SLC35F1: variants seen among roughly 807,000 people sequenced by gnomAD.
SLC35F1 encodes chromosome 6 open reading frame 169.
In SLC35F1, 14 loss-of-function variants were observed where a neutral mutation model predicts 48.7. That is an observed-to-expected ratio of 0.29 (90% CI 0.19 to 0.45). The LOEUF (loss-of-function observed/expected upper bound fraction) is 0.45. Among genes scored for constraint, SLC35F1 ranks in the 20% least tolerant of loss-of-function variants. The probability of loss-of-function intolerance (pLI) is 1.00; values close to 1 mark genes in which losing one functional copy is unlikely to be tolerated. For synonymous variants in SLC35F1, 190 were observed against 202.2 expected, an observed-to-expected ratio of 0.94 and a Z score of 0.51; for missense variants, 404 against 500.0, an observed-to-expected ratio of 0.81 and a Z score of 1.83.
intron 5 of SLC35F1, among the ~76,000 whole-genome samples, chr6:118,276,432 G>C (rs1393973060): frequency 6.6e-6 from 1 of 152,156 alleles, no homozygotes; most frequent in Non-Finnish European, 1.5e-5. Flanking sequence ...TTCAGTGTCT[G>C]AAATTATTTA....
chr6:118,018,567 G>A lies in SLC35F1; in HGVS notation c.173+110668G>A, dbSNP rs146046925. Among the ~76,000 whole-genome samples, 509 of 152,150 alleles carry A rather than the reference G, an allele frequency of 3.3e-3. 1 individual carries two copies. Among genetic ancestry groups the A allele is most frequent in the African/African-American group, 0.011 (476 of 41,514 alleles). Reference sequence around the variant, plus strand: ...TTGTTGTTAGTGCCATACTGCTTCAGATAGGGATAGTTTAAATATGCCTTG... The same window carrying A: ...TTGTTGTTAGTGCCATACTGCTTCAAATAGGGATAGTTTAAATATGCCTTG... On this transcript the variant is annotated intron_variant, in intron 1 of 7. Transcript: ENST00000360388.
intron 1 of SLC35F1, among the ~76,000 whole-genome samples, chr6:117,970,050 A>T (rs751382999): frequency 7.9e-5 from 12 of 152,262 alleles, no homozygotes; most frequent in Non-Finnish European, 1.3e-4. Context: ...GTCTGTTTTT[A>T]GGAAGTTCGT....
rs34789731 is a variant in SLC35F1 at position 118,275,391 on chromosome 6, G to A, written c.638-68G>A. ...ATAGGCAAGGGAAGCTCAATTTGCC[G>A]ATGCCAGATTCTTGTTAAGAAAGTT... On this transcript the variant is annotated intron_variant, in intron 4 of 7. Coordinates refer to ENST00000360388, the MANE Select transcript of SLC35F1 (RefSeq NM_001029858.4). 7,632 of 1,509,080 alleles carry A rather than the reference G, an allele frequency of 5.1e-3. 28 individuals carry two copies. The highest frequency in any genetic ancestry group is 5.8e-3 in the Non-Finnish European group (6,489 of 1,117,724). The allele number at this position is 1,509,080 out of a possible 1,614,324, so 93.5% of individuals were successfully genotyped here.
intron 3 of SLC35F1, among the ~76,000 whole-genome samples, chr6:118,252,160 T>C (rs1775582869): frequency 6.6e-6 from 1 of 152,178 alleles, no homozygotes; most frequent in African/African-American, 2.4e-5. Context: ...AGGGGACCGA[T>C]GTGATCTAAT....
intron 1 of SLC35F1, among the ~76,000 whole-genome samples, chr6:117,972,690 A>C (rs1299050631): frequency 1.3e-5 from 2 of 152,144 alleles, no homozygotes; most frequent in Non-Finnish European, 2.9e-5. Flanking sequence ...CTTATTCACT[A>C]TCACAAGAAC....
intron 1 of SLC35F1, among the ~76,000 whole-genome samples, chr6:118,123,195 C>G (rs1273331353): frequency 1.3e-5 from 2 of 152,100 alleles, no homozygotes; most frequent in African/African-American, 4.8e-5. Flanking sequence ...GGGAGAAACA[C>G]TTCTCTGGCT....
intron 1 of SLC35F1, among the ~76,000 whole-genome samples, chr6:117,918,646 T>C (rs888570737): frequency 2.0e-5 from 3 of 152,158 alleles, no homozygotes; most frequent in African/African-American, 7.2e-5. Flanking sequence ...AGAAGTGTTA[T>C]GTGTAAAGTT....
At chr6:118,024,278 A>G (rs1191051304) in intron 1 of SLC35F1, among the ~76,000 whole-genome samples, 1 of 152,154 alleles carries the variant, frequency 6.6e-6, no homozygotes, top group Non-Finnish European at 1.5e-5. Flanking sequence ...AACTAACTAA[A>G]CAAACAAAAA....
At chr6:118,174,407 A>G (rs1003223106) in intron 2 of SLC35F1, among the ~76,000 whole-genome samples, 4 of 152,132 alleles carry the variant, frequency 2.6e-5, no homozygotes, top group African/African-American at 4.8e-5. Context: ...TGCTACAAAT[A>G]AAAAACACAG....
chr6:118,017,231 C>T (rs984907616), intron 1 of SLC35F1, among the ~76,000 whole-genome samples: 10 of 152,162 alleles, frequency 6.6e-5, no homozygotes, highest in African/African-American at 1.2e-4. Flanking sequence ...GGGGACTTCC[C>T]GATCCTAGAG....
intron 1 of SLC35F1, among the ~76,000 whole-genome samples, chr6:118,043,316 A>T (rs2114903690): frequency 6.7e-6 from 1 of 149,064 alleles, no homozygotes; most frequent in East Asian, 2.0e-4. Context: ...GTTAAGTGCC[A>T]GCCTGGTTTT....
chr6:118,306,208 CT>C (rs10708664), intron 7 of SLC35F1, among the ~76,000 whole-genome samples: 59,435 of 152,064 alleles, frequency 0.39, 12,224 homozygotes, highest in Middle Eastern at 0.49. Flanking sequence ...TGCATGGAAC[CT>C]TTGTTCTGTC....
intron 1 of SLC35F1, among the ~76,000 whole-genome samples, chr6:118,049,539 CA>C: frequency 6.6e-6 from 1 of 151,802 alleles, no homozygotes; most frequent in South Asian, 2.1e-4. Context: ...ACAACCCCAT[CA>C]AAAAGTGGGC....
At chr6:118,047,290 C>T (rs913777525) in intron 1 of SLC35F1, among the ~76,000 whole-genome samples, 2 of 152,112 alleles carry the variant, frequency 1.3e-5, no homozygotes, top group Admixed American at 6.6e-5. Context: ...GAATTTATAA[C>T]CTCCTTTCCA....
chr6:118,051,903 G>C (rs1772396471), intron 1 of SLC35F1, among the ~76,000 whole-genome samples: 1 of 152,174 alleles, frequency 6.6e-6, no homozygotes, highest in Non-Finnish European at 1.5e-5. Context: ...AAGAACCAGA[G>C]TGGTGATCAG....
At chr6:118,125,541 T>C (rs1773612763) in intron 1 of SLC35F1, among the ~76,000 whole-genome samples, 1 of 152,180 alleles carries the variant, frequency 6.6e-6, no homozygotes, top group Non-Finnish European at 1.5e-5. Flanking sequence ...TGTGAGCATA[T>C]ACTAAGTATT....
chr6:118,108,904 C>T (rs1253590856), intron 1 of SLC35F1, among the ~76,000 whole-genome samples: 1 of 152,062 alleles, frequency 6.6e-6, no homozygotes, highest in Admixed American at 6.6e-5. Context: ...ATACTTATTG[C>T]TTTTCTTTGT....
At chr6:118,127,076 C>T (rs1773637643) in intron 1 of SLC35F1, among the ~76,000 whole-genome samples, 2 of 150,248 alleles carry the variant, frequency 1.3e-5, no homozygotes, top group South Asian at 4.2e-4. Flanking sequence ...AAAGGGAATG[C>T]TTCCAGTTTT....
rs559685331 is a variant in SLC35F1, at chr6:118,049,504, A to C, written c.174-104941A>C. On this transcript the variant is annotated intron_variant, in intron 1 of 7. Transcript: ENST00000360388. ...AATATCCAGAATCTACAATGAACTC[A>C]AACAAATTTACAAGAAAAAAACAAA... Among the ~76,000 whole-genome samples, 32 of 152,240 alleles carry C rather than the reference A, an allele frequency of 2.1e-4. No homozygotes were observed. The East Asian group carries it at 5.6e-3, about 27-fold the overall frequency.
Sources: gnomAD v4.1 joint callset for allele counts (sites outside exome capture counted in the v4.1 genomes callset) on GRCh38, gnomAD v4.1.1 for gene constraint, MANE v1.5 for transcripts, NCBI Gene and HGNC (gene_info 2026-07-23, HGNC 2026-07-21) for gene names.